The following TRHDE variants were observed in gnomAD, a reference collection of about 807,000 sequenced individuals.
TRHDE encodes thyrotropin-releasing hormone-degrading ectoenzyme.
In TRHDE, 72 loss-of-function variants were observed where a neutral mutation model predicts 125.7. The observed-to-expected ratio is 0.57, with a 90% CI of 0.47 to 0.70. TRHDE has a LOEUF of 0.70. Among genes scored for constraint, TRHDE ranks in the 30% least tolerant of loss-of-function variants. TRHDE has a pLI of 0.00. For missense variants in TRHDE, 1,110 were observed against 1,327.1 expected, an observed-to-expected ratio of 0.84 and a Z score of 2.54; for synonymous variants, 509 against 509.1, an observed-to-expected ratio of 1.00 and a Z score of 0.00.
Position 72,367,303 on chromosome 12 carries a change from A to G in TRHDE, c.1189-10692A>G, listed in dbSNP as rs1871378688. On this transcript the variant is annotated intron_variant, in intron 2 of 18. Transcript: ENST00000261180. ...AAATAATCTCCCTTTGTCGTTTTCA[A>G]TCATGTCACTCTGCCTCAAACTCGG... is the stretch of plus-strand genomic sequence containing the variant. 2.0e-5 allele frequency among the ~76,000 whole-genome samples: 3 copies of G among 152,078 alleles called. No individual in the cohort carries two copies. In the South Asian group the frequency reaches 6.2e-4, roughly 31 times the overall value.
chr12:72,595,217 A>G (rs1871882901), intron 12 of TRHDE, among the ~76,000 whole-genome samples: 1 of 151,688 alleles, frequency 6.6e-6, no homozygotes, highest in Non-Finnish European at 1.5e-5. Flanking sequence ...TAGGTATGTA[A>G]CTAACCTGCA....
chr12:72,358,588 C>T lies in TRHDE; in HGVS notation c.1189-19407C>T, dbSNP rs534790969. Among the ~76,000 whole-genome samples the T allele has an allele frequency of 4.6e-5, 7 of 151,318 alleles. No homozygotes were observed. In the South Asian group the frequency reaches 8.3e-4, roughly 18 times the overall value. On this transcript the variant is annotated intron_variant, in intron 2 of 18. Coordinates refer to ENST00000261180, the MANE Select transcript of TRHDE (RefSeq NM_013381.3). ...TGGGTTTTCTATTGCGTGGGGTCAG[C>T]GCCTCTAACCCGCACATTGTTCAAG...
At chr12:72,476,172 C>G (rs1876883752) in intron 5 of TRHDE, among the ~76,000 whole-genome samples, 1 of 152,170 alleles carries the variant, frequency 6.6e-6, no homozygotes, top group Admixed American at 6.5e-5. Context: ...CTGCGACAGC[C>G]TGCCAAAGTG....
intron 12 of TRHDE, among the ~76,000 whole-genome samples, 182 bp downstream of exon 12, chr12:72,575,724 A>G (rs1024524564): frequency 7.9e-5 from 12 of 152,100 alleles, no homozygotes; most frequent in African/African-American, 2.9e-4. Context: ...AATAATAGCT[A>G]TAGGGTATTT....
chr12:72,432,914 G>A (rs190742040), intron 3 of TRHDE, among the ~76,000 whole-genome samples: 3 of 152,204 alleles, frequency 2.0e-5, no homozygotes, highest in South Asian at 2.1e-4. Flanking sequence ...AAAGCATTTC[G>A]TCTCTTACCA....
At chr12:72,651,280 TC>T (rs2136109176) in intron 15 of TRHDE, among the ~76,000 whole-genome samples, 1 of 152,172 alleles carries the variant, frequency 6.6e-6, no homozygotes, top group South Asian at 2.1e-4. Flanking sequence ...TTGTAGCCCT[TC>T]TTAGCTGCTT....
intron 3 of TRHDE, among the ~76,000 whole-genome samples, chr12:72,413,061 T>A (rs879785046): frequency 2.6e-5 from 4 of 152,074 alleles, no homozygotes; most frequent in Admixed American, 6.6e-5. Context: ...TTGCAACATA[T>A]CATTATTTTT....
intron 6 of TRHDE, among the ~76,000 whole-genome samples, chr12:72,540,837 GA>G (rs369879460): frequency 6.6e-6 from 1 of 151,034 alleles, no homozygotes; most frequent in East Asian, 1.9e-4. Context: ...GGTGTGAGAA[GA>G]AAAAAAATCA....
rs574991316 is a variant in TRHDE at position 72,203,630 on chromosome 12, A to ACAC, written n.279+97881_279+97883dup. 7.2e-4 allele frequency among the ~76,000 whole-genome samples: 109 copies of ACAC among 152,288 alleles called. 1 individual carries two copies. The East Asian group carries it at 0.017, about 23-fold the overall frequency. ...TTGGCTCTGAGGTTCTGAACACCAC[A>ACAC]CACCAGCACAGGCCTATTTTTTGGT... On this transcript the variant is annotated intron_variant and non_coding_transcript_variant, in intron 2 of 4. Coordinates refer to the TRHDE transcript ENST00000548156.
At chr12:72,384,107 G>C (rs1440486942) in intron 3 of TRHDE, among the ~76,000 whole-genome samples, 1 of 152,046 alleles carries the variant, frequency 6.6e-6, no homozygotes, top group Admixed American at 6.6e-5. Flanking sequence ...TAGTTAATTA[G>C]GCATCAGATA....
At chr12:72,107,279 G>A (rs1365044823) in intron 2 of TRHDE, among the ~76,000 whole-genome samples, 1 of 152,036 alleles carries the variant, frequency 6.6e-6, no homozygotes, top group Non-Finnish European at 1.5e-5. Flanking sequence ...TGGCAGCTTT[G>A]TTTTTTACTT....
chr12:72,218,496 T>G (rs1042712643), intron 2 of TRHDE, among the ~76,000 whole-genome samples: 1 of 152,156 alleles, frequency 6.6e-6, no homozygotes, highest in African/African-American at 2.4e-5. Context: ...TTCTTAAGGT[T>G]GCTGTAATAA....
chr12:72,126,456 C>G (rs899075681), intron 2 of TRHDE, among the ~76,000 whole-genome samples: 3 of 152,166 alleles, frequency 2.0e-5, no homozygotes, highest in African/African-American at 7.2e-5. Context: ...CAACTTCAAA[C>G]TATCAGGCTA....
At chr12:72,582,255 T>C in intron 12 of TRHDE, 1 of 983,496 alleles carries the variant, frequency 1.0e-6, no homozygotes, top group Middle Eastern at 5.2e-4. Flanking sequence ...ATTAGAAGCC[T>C]GGGAATTCAG....
Position 72,618,869 on chromosome 12 carries a change from C to CT in TRHDE, c.2322-9dup, listed in dbSNP as rs111312234. On this transcript the variant is annotated intron_variant, in intron 12 of 18. Transcript: ENST00000261180. ...TCTTCGTTTGTGCATCATCATGTAT[C>CT]TTTTTTTTTTTTTAACTGTAGGGCT... is the stretch of plus-strand genomic sequence containing the variant. The CT allele has an allele frequency of 8.5e-3, 11,283 of 1,327,266 alleles. 7 individuals are homozygous for CT. The highest frequency in any genetic ancestry group is 0.022 in the South Asian group (1,317 of 61,062). 82.2% of individuals were successfully genotyped at this position (1,327,266 alleles called of 1,614,324 possible).
At chr12:72,630,686 T>C (rs1873457560) in intron 15 of TRHDE, among the ~76,000 whole-genome samples, 1 of 151,780 alleles carries the variant, frequency 6.6e-6, no homozygotes, top group East Asian at 1.9e-4. Flanking sequence ...TTCATCCTTA[T>C]TTTTACTTAA....
intron 1 of TRHDE, among the ~76,000 whole-genome samples, chr12:72,285,086 T>C (rs940641395): frequency 6.6e-6 from 1 of 151,884 alleles, no homozygotes; most frequent in Admixed American, 6.6e-5. Context: ...AAACTAAGCT[T>C]TAAAAAATGA....
At chr12:72,301,125 A>AT (rs371460040) in intron 2 of TRHDE, among the ~76,000 whole-genome samples, 10 of 151,250 alleles carry the variant, frequency 6.6e-5, no homozygotes, top group East Asian at 3.9e-4. Flanking sequence ...ACGGAGTTCT[A>AT]TTTTTTTTTA....
chr12:72,460,676 T>A (rs1187897424), intron 3 of TRHDE, among the ~76,000 whole-genome samples: 5 of 152,170 alleles, frequency 3.3e-5, no homozygotes, highest in African/African-American at 1.2e-4. Context: ...TAACAAGTAT[T>A]AGTCAACTTG....
Sources: gnomAD v4.1 joint callset for allele counts (sites outside exome capture counted in the v4.1 genomes callset) on GRCh38, gnomAD v4.1.1 for gene constraint, MANE v1.5 for transcripts, NCBI Gene and HGNC (gene_info 2026-07-23, HGNC 2026-07-21) for gene names.